The following ITGA9 variants were observed in gnomAD, a reference collection of about 807,000 sequenced individuals.
ITGA9 encodes integrin subunit alpha 9, also known as integrin alpha-9.
Under a neutral mutation model 127.8 loss-of-function variants are expected in ITGA9, and 56 were observed. The observed-to-expected ratio is 0.44, with a 90% CI of 0.35 to 0.55. The LOEUF is 0.55. Ranked by LOEUF, ITGA9 falls within the 20% of genes least tolerant of loss-of-function variation. ITGA9 has a pLI of 0.00. For missense variants in ITGA9, 1,196 were observed against 1,347.1 expected (o/e 0.89, Z 1.76); for synonymous variants, 508 against 514.5 (o/e 0.99, Z 0.17).
intron 15 of ITGA9, among the ~76,000 whole-genome samples, chr3:37,599,927 G>A (rs1699901735): frequency 6.6e-6 from 1 of 152,174 alleles, no homozygotes; most frequent in African/African-American, 2.4e-5. Context: ...CATCACCTCT[G>A]TAATGGTATA....
chr3:37,639,999 C>T (rs1700317138), intron 16 of ITGA9, among the ~76,000 whole-genome samples: 2 of 152,140 alleles, frequency 1.3e-5, no homozygotes, highest in African/African-American at 2.4e-5. Flanking sequence ...CAGAATAGCG[C>T]TCTGAAAATT....
Position 37,643,651 on chromosome 3 carries a change from G to T in ITGA9, c.1840-10063G>T, listed in dbSNP as rs186441142. 1.9e-3 allele frequency among the ~76,000 whole-genome samples: 296 copies of T among 152,296 alleles called. 3 individuals carry two copies. Among genetic ancestry groups the T allele is most frequent in the African/African-American group, 6.9e-3 (287 of 41,554 alleles). Reference sequence around the variant, plus strand: ...GAAAACCTTGTGCAAAAGTATGTGTGGGGTGAGAGGTGTTTAAACACACCC... The same window carrying T: ...GAAAACCTTGTGCAAAAGTATGTGTTGGGTGAGAGGTGTTTAAACACACCC... On this transcript the variant is annotated intron_variant, in intron 16 of 27. Coordinates refer to ENST00000264741, the MANE Select transcript of ITGA9 (RefSeq NM_002207.3).
At chr3:37,642,031 AG>A (rs1265664008) in intron 16 of ITGA9, among the ~76,000 whole-genome samples, 1 of 151,976 alleles carries the variant, frequency 6.6e-6, no homozygotes, top group Non-Finnish European at 1.5e-5. Context: ...TCGACTTTCC[AG>A]GCTCAAGTGA....
At chr3:37,703,250 T>G (rs1459119835) in intron 18 of ITGA9, among the ~76,000 whole-genome samples, 1 of 152,342 alleles carries the variant, frequency 6.6e-6, no homozygotes, top group Admixed American at 6.5e-5. Context: ...TGAACCTGTT[T>G]GGATTCTCTT....
At chr3:37,730,591 G>A (rs985116829) in intron 18 of ITGA9, among the ~76,000 whole-genome samples, 1 of 152,162 alleles carries the variant, frequency 6.6e-6, no homozygotes, top group African/African-American at 2.4e-5. Context: ...CACCTCTTCT[G>A]AACTCTGAGC....
chr3:37,682,855 A>AC (rs1700746894), intron 17 of ITGA9, among the ~76,000 whole-genome samples: 1 of 151,374 alleles, frequency 6.6e-6, no homozygotes, highest in Non-Finnish European at 1.5e-5. Flanking sequence ...ACCCCTTCTC[A>AC]CCCCCTCAGC....
At chr3:37,700,220 G>A (rs1195783977) in intron 18 of ITGA9, among the ~76,000 whole-genome samples, 1 of 152,182 alleles carries the variant, frequency 6.6e-6, no homozygotes, top group Non-Finnish European at 1.5e-5. Flanking sequence ...CTGGCCTCAA[G>A]TGATCCTCCC....
intron 15 of ITGA9, among the ~76,000 whole-genome samples, chr3:37,600,904 A>G (rs192144755): frequency 2.9e-4 from 44 of 152,392 alleles, no homozygotes; most frequent in African/African-American, 1.0e-3. Flanking sequence ...AGCCTGCTCC[A>G]TCCTCTTCTT....
intron 23 of ITGA9, among the ~76,000 whole-genome samples, chr3:37,758,364 A>G (rs1696681889): frequency 6.9e-6 from 1 of 144,200 alleles, no homozygotes; most frequent in Non-Finnish European, 1.5e-5. Context: ...TTGCAAATTG[A>G]TTCCTATTAG....
At chr3:37,533,896 T>TA (rs1244180569) in intron 14 of ITGA9, among the ~76,000 whole-genome samples, 3 of 152,188 alleles carry the variant, frequency 2.0e-5, no homozygotes, top group Non-Finnish European at 2.9e-5. Context: ...TACCATTTAC[T>TA]ATGGAATTGG....
At chr3:37,489,706 T>C (rs1193811851) in intron 4 of ITGA9, among the ~76,000 whole-genome samples, 1 of 151,054 alleles carries the variant, frequency 6.6e-6, no homozygotes, top group African/African-American at 2.4e-5. Context: ...TTTTTTTTTT[T>C]TTTACTAGAG....
chr3:37,587,868 A>G (rs1214033722), intron 15 of ITGA9, among the ~76,000 whole-genome samples: 1 of 152,202 alleles, frequency 6.6e-6, no homozygotes, highest in African/African-American at 2.4e-5. Flanking sequence ...AACCAGAACA[A>G]CATTTCATTA....
chr3:37,544,900 G>T (rs538563385), intron 15 of ITGA9, among the ~76,000 whole-genome samples: 97 of 152,366 alleles, frequency 6.4e-4, no homozygotes, highest in African/African-American at 2.2e-3. Flanking sequence ...ATAACCATGA[G>T]AATGTTTATT....
Position 37,459,313 on chromosome 3 carries a change from G to A in ITGA9, c.185+6754G>A, listed in dbSNP as rs1249549321. 2.0e-5 allele frequency among the ~76,000 whole-genome samples: 3 copies of A among 152,222 alleles called. No individual in the cohort carries two copies. The East Asian group carries it at 5.8e-4, about 29-fold the overall frequency. ...TAGGTTGGGTTGCTTATAAATGACA[G>A]AATTTATTTCTCACAGATCTAGAGC... On this transcript the variant is annotated intron_variant, in intron 1 of 27. Transcript: ENST00000264741.
chr3:37,785,527 G>A (rs1422718213), intron 26 of ITGA9, among the ~76,000 whole-genome samples: 1 of 152,128 alleles, frequency 6.6e-6, no homozygotes, highest in African/African-American at 2.4e-5. Context: ...TGTCACCCAG[G>A]CTGGTGTGCA....
At chr3:37,739,977 G>A (rs1696413377) in intron 20 of ITGA9, among the ~76,000 whole-genome samples, 2 of 152,212 alleles carry the variant, frequency 1.3e-5, no homozygotes, top group South Asian at 2.1e-4. Flanking sequence ...TTTGCAAACT[G>A]TGGATGCCCC....
At chr3:37,557,022 A>G (rs1411885946) in intron 15 of ITGA9, among the ~76,000 whole-genome samples, 1 of 152,188 alleles carries the variant, frequency 6.6e-6, no homozygotes, top group African/African-American at 2.4e-5. Context: ...TCAGCAGTCA[A>G]CTGACTGAGC....
In ITGA9 at chr3:37,784,961, G is replaced by A. The variant is rs1697020941; in HGVS notation, c.2788-16G>A. ...ATAGAAAAATCTTCAAGTAAGTTGT[G>A]TTGTTTCTTCCACAGGACAGTTCGT... On this transcript the variant is annotated splice_polypyrimidine_tract_variant and intron_variant, in intron 25 of 27. Coordinates refer to ENST00000264741, the MANE Select transcript of ITGA9 (RefSeq NM_002207.3). 3 of 1,601,998 alleles carry A rather than the reference G, an allele frequency of 1.9e-6. No individual in the cohort carries two copies. The highest frequency in any genetic ancestry group is 3.3e-5 in the Admixed American group (2 of 59,988).
At chr3:37,627,419 T>G (rs1420931890) in intron 15 of ITGA9, among the ~76,000 whole-genome samples, 1 of 152,088 alleles carries the variant, frequency 6.6e-6, no homozygotes, top group African/African-American at 2.4e-5. Flanking sequence ...TGCCCTCCAG[T>G]GTCTCTGCAT....
Sources: allele counts gnomAD v4.1 joint callset (sites outside exome capture counted in the v4.1 genomes callset), GRCh38; gene constraint gnomAD v4.1.1; transcripts MANE v1.5; gene names NCBI Gene and HGNC (gene_info 2026-07-23, HGNC 2026-07-21).